Variants in TENM4 observed in about 807,000 individuals in gnomAD.
TENM4 encodes teneurin transmembrane protein 4, also known as teneurin-4.
Under a neutral mutation model 243.3 loss-of-function variants are expected in TENM4, and 82 were observed. The ratio of observed to expected loss-of-function variants is 0.34; its 90% confidence interval spans 0.28 to 0.40. The LOEUF is 0.40. Among genes scored for constraint, TENM4 ranks in the 10% least tolerant of loss-of-function variants. The pLI is 1.00. For missense variants in TENM4, 3,138 were observed against 3,673.3 expected (o/e 0.85, Z 3.77); for synonymous variants, 1,412 against 1,456.3 (o/e 0.97, Z 0.69).
At chr11:79,404,872 G>T (rs145265103) in intron 1 of TENM4, among the ~76,000 whole-genome samples, 1 of 152,052 alleles carries the variant, frequency 6.6e-6, no homozygotes. Flanking sequence ...AGACAGCGGG[G>T]GGTGGGGGAA....
intron 20 of TENM4, among the ~76,000 whole-genome samples, chr11:78,735,564 G>A (rs1046840065): frequency 7.2e-5 from 11 of 152,336 alleles, no homozygotes; most frequent in African/African-American, 1.4e-4. Context: ...GGCTAGGCCC[G>A]CTCCTCTGGA....
intron 6 of TENM4, among the ~76,000 whole-genome samples, chr11:78,969,037 T>C (rs1205518759): frequency 2.0e-5 from 3 of 152,230 alleles, no homozygotes; most frequent in Admixed American, 2.0e-4. Context: ...GGAGTAATGA[T>C]ACCCACTGAA....
intron 12 of TENM4, among the ~76,000 whole-genome samples, chr11:78,845,370 T>C (rs1353398883): frequency 1.4e-4 from 21 of 152,172 alleles, no homozygotes; most frequent in Admixed American, 1.4e-3. Context: ...GATAGATGAG[T>C]TTGGTGAGGG....
intron 13 of TENM4, among the ~76,000 whole-genome samples, chr11:78,813,862 G>T (rs544377031): frequency 4.4e-4 from 67 of 152,318 alleles, no homozygotes; most frequent in African/African-American, 1.5e-3. Context: ...CTGTTAGAAA[G>T]TAGCAACAGA....
At chr11:78,672,379 C>T in intron 30 of TENM4, 50 bp from the exon 31 acceptor site, 1 of 1,570,138 alleles carries the variant, frequency 6.4e-7, no homozygotes, top group Non-Finnish European at 8.7e-7. Flanking sequence ...ACCATGAGAA[C>T]TTTGGTCTGA....
At position 78,720,806 on chromosome 11, in the gene TENM4, C is replaced by T. The variant is rs537858766; in HGVS notation, c.3801-416G>A. Among the ~76,000 whole-genome samples, 49 of 152,276 alleles carry T rather than the reference C, an allele frequency of 3.2e-4. 1 individual carries two copies. The South Asian group carries it at 9.7e-3, about 30-fold the overall frequency. On this transcript the variant is annotated intron_variant, in intron 24 of 33. Coordinates refer to ENST00000278550, the MANE Select transcript of TENM4 (RefSeq NM_001098816.3). ...TACAAAGAGTTACCCAAATTTGGGT[C>T]ACTTCCCAGGAGCCTCCTCACAATA...
At chr11:79,007,649 T>C in intron 6 of TENM4, among the ~76,000 whole-genome samples, 1 of 152,164 alleles carries the variant, frequency 6.6e-6, no homozygotes, top group Middle Eastern at 3.4e-3. Context: ...TGGGGCCTCC[T>C]CCCCACCTGT....
chr11:79,036,749 C>G (rs922672654), intron 6 of TENM4, among the ~76,000 whole-genome samples: 3 of 152,102 alleles, frequency 2.0e-5, no homozygotes, highest in Admixed American at 6.5e-5. Flanking sequence ...CAGTGGCTCA[C>G]GCCTGTAGTC....
intron 2 of TENM4, among the ~76,000 whole-genome samples, chr11:79,285,063 C>A (rs192351327): frequency 3.5e-4 from 53 of 152,128 alleles, no homozygotes; most frequent in Admixed American, 3.2e-3. Context: ...CATGGTGAAA[C>A]CCCGTCTCTA....
At chr11:78,766,176 G>C (rs943396563) in intron 18 of TENM4, among the ~76,000 whole-genome samples, 4 of 152,180 alleles carry the variant, frequency 2.6e-5, no homozygotes, top group Admixed American at 6.5e-5. Context: ...CAGGGAGCCA[G>C]GAGTTGAATC....
intron 1 of TENM4, among the ~76,000 whole-genome samples, chr11:79,379,355 G>C (rs534307213): frequency 6.6e-6 from 1 of 152,154 alleles, no homozygotes; most frequent in South Asian, 2.1e-4. Context: ...TTTATGCAGG[G>C]GAGTGAGGCT....
chr11:78,864,854 G>T (rs1188197657), intron 9 of TENM4, among the ~76,000 whole-genome samples: 1 of 152,214 alleles, frequency 6.6e-6, no homozygotes, highest in African/African-American at 2.4e-5. Context: ...CCTTGCTTCA[G>T]TGAGCTCACA....
At chr11:78,884,298 C>T (rs1405866367) in intron 9 of TENM4, among the ~76,000 whole-genome samples, 1 of 152,188 alleles carries the variant, frequency 6.6e-6, no homozygotes, top group Non-Finnish European at 1.5e-5. Flanking sequence ...CTCCTGGTTC[C>T]CTCTCCTATA....
chr11:79,402,469 G>T (rs1858482343), intron 1 of TENM4, among the ~76,000 whole-genome samples: 1 of 152,062 alleles, frequency 6.6e-6, no homozygotes, highest in African/African-American at 2.4e-5. Context: ...AAATACACTT[G>T]CTAAGAGTCC....
intron 1 of TENM4, among the ~76,000 whole-genome samples, chr11:79,386,391 A>C (rs1199390215): frequency 1.3e-5 from 2 of 152,228 alleles, no homozygotes; most frequent in African/African-American, 2.4e-5. Flanking sequence ...TGTGCTAATC[A>C]AAAAGGAAAA....
At chr11:78,757,066 C>G in intron 18 of TENM4, 45 bp from the exon 19 acceptor site, 1 of 1,559,510 alleles carries the variant, frequency 6.4e-7, no homozygotes, top group Non-Finnish European at 8.7e-7. Context: ...TATGTTCAAT[C>G]AGCCATGTTT....
intron 18 of TENM4, among the ~76,000 whole-genome samples, chr11:78,760,974 GTTTC>G (rs1435004277): frequency 6.6e-6 from 1 of 152,000 alleles, no homozygotes; most frequent in Admixed American, 6.6e-5. Context: ...AAATCCACCT[GTTTC>G]TTTCTTGATA....
chr11:78,938,087 A>G (rs1856824194), intron 6 of TENM4, among the ~76,000 whole-genome samples: 1 of 152,164 alleles, frequency 6.6e-6, no homozygotes, highest in Non-Finnish European at 1.5e-5. Context: ...AGGAAATCTG[A>G]CTATGTTTGG....
At chr11:78,948,429 A>C (rs1171043642) in intron 6 of TENM4, among the ~76,000 whole-genome samples, 2 of 144,252 alleles carry the variant, frequency 1.4e-5, no homozygotes, top group African/African-American at 5.2e-5. Context: ...GCTGGAATGC[A>C]GTGGCAGTGA....
Sources: gnomAD v4.1 joint callset for allele counts (sites outside exome capture counted in the v4.1 genomes callset) on GRCh38, gnomAD v4.1.1 for gene constraint, MANE v1.5 for transcripts, NCBI Gene and HGNC (gene_info 2026-07-23, HGNC 2026-07-21) for gene names.